FNTB: variants seen among roughly 807,000 people sequenced by gnomAD.
FNTB encodes the protein farnesyltransferase, CAAX box, subunit beta, also known as protein farnesyltransferase subunit beta.
In FNTB, 27 loss-of-function variants were observed where a neutral mutation model predicts 59.4. That is an observed-to-expected ratio of 0.45 (90% confidence interval 0.34 to 0.63). The LOEUF is 0.63. Ranked by LOEUF, FNTB falls within the 20% of genes least tolerant of loss-of-function variation. FNTB has a pLI of 0.02. For missense variants in FNTB, 449 were observed against 559.6 expected (o/e 0.80, Z 1.99); for synonymous variants, 230 against 220.7 (o/e 1.04, Z -0.37).
chr14:65,047,970 C>G lies in FNTB; in HGVS notation c.955+3527C>G, dbSNP rs905371659. On this transcript the variant is annotated intron_variant, in intron 9 of 11. Transcript: ENST00000246166. The surrounding 1 kb of genome is among the most constrained non-coding windows in gnomAD (Gnocchi z 5.2). ...CAGACAGAAGACAGAAGGAGGGAGA[C>G]TTTTTAGATTTTTTTTTTTTTTTTT... 2.2e-5 allele frequency among the ~76,000 whole-genome samples: 3 copies of G among 138,350 alleles called. No individual in the cohort carries two copies. The highest frequency in any genetic ancestry group is 8.0e-5 in the African/African-American group (3 of 37,344). 90.8% of individuals were successfully genotyped at this position (138,350 alleles called of 152,430 possible). A position where few individuals can be genotyped will look rare whatever the true frequency, so the allele number is the denominator to read the frequency against.
intron 4 of FNTB, among the ~76,000 whole-genome samples, chr14:65,018,218 C>G (rs939347221): frequency 6.6e-6 from 1 of 152,008 alleles, no homozygotes; most frequent in African/African-American, 2.4e-5. Flanking sequence ...GTGCACACTT[C>G]TAGTTCTAGC....
chr14:65,027,680 T>A lies in FNTB; in HGVS notation c.522-18T>A, dbSNP rs751218992. 17 of 1,614,196 alleles carry A rather than the reference T, an allele frequency of 1.1e-5. No individual in the cohort carries two copies. The Admixed American group carries it at 2.8e-4, about 27-fold the overall frequency. On this transcript the variant is annotated intron_variant, in intron 5 of 11. Coordinates refer to ENST00000246166, the MANE Select transcript of FNTB (RefSeq NM_002028.4). This position sits in a 1 kb window ranked among gnomAD's most constrained non-coding sequence, Gnocchi z 5.7. ...CGCACTGACTGTTGCCTCTCCTACC[T>A]CTTTCCCTGTTTCTCAGAGAGAAGC...
At chr14:65,020,917 A>G (rs1288941163) in intron 4 of FNTB, among the ~76,000 whole-genome samples, 1 of 151,542 alleles carries the variant, frequency 6.6e-6, no homozygotes, top group African/African-American at 2.4e-5. Flanking sequence ...TTTTGTAAAG[A>G]CAGGCTTTCA....
At chr14:64,989,754 G>A (rs973312836) in intron 1 of FNTB, among the ~76,000 whole-genome samples, 1 of 152,178 alleles carries the variant, frequency 6.6e-6, no homozygotes, top group South Asian at 2.1e-4. Context: ...TAGACACTCG[G>A]CATAAGTTGT....
In FNTB at chr14:65,014,720, G is replaced by A. The variant is rs1440711633; in HGVS notation, c.283-905G>A. On this transcript the variant is annotated intron_variant, in intron 3 of 11. Transcript: ENST00000246166. The surrounding 1 kb of genome is among the most constrained non-coding windows in gnomAD (Gnocchi z 5.1). ...TCCCAGCTACTTAGGAGGCTGAGGT[G>A]GGAGGATTGCTTGAGCCCGGGAGGT... Among the ~76,000 whole-genome samples, 2 of 152,086 alleles carry A rather than the reference G, an allele frequency of 1.3e-5. No individual in the cohort carries two copies. Among genetic ancestry groups the A allele is most frequent in the Non-Finnish European group, 2.9e-5 (2 of 68,002 alleles).
chr14:65,012,530 G>A lies in FNTB; in HGVS notation c.282+141G>A, dbSNP rs762283921. The A allele has an allele frequency of 2.4e-5, 28 of 1,183,278 alleles. No homozygotes were observed. Among genetic ancestry groups the A allele is most frequent in the South Asian group, 1.4e-4 (10 of 69,248 alleles). The allele number at this position is 1,183,278 out of a possible 1,614,324, so 73.3% of individuals were successfully genotyped here. On this transcript the variant is annotated intron_variant, in intron 3 of 11. Coordinates refer to ENST00000246166, the MANE Select transcript of FNTB (RefSeq NM_002028.4). The surrounding 1 kb of genome is among the most constrained non-coding windows in gnomAD (Gnocchi z 5.0). ...CTCTGTGGCTCTGGCAGGAGGTAGG[G>A]TGCTGTCACAGAGCTGGGACTCAGC...
chr14:65,037,755 TA>T (rs1480200170), intron 7 of FNTB, among the ~76,000 whole-genome samples: 2 of 128,490 alleles, frequency 1.6e-5, no homozygotes, highest in African/African-American at 6.3e-5. Context: ...TTTATTTATT[TA>T]TTTATTTATT....
At chr14:65,006,132 C>A in intron 2 of FNTB, 1 of 1,602,844 alleles carries the variant, frequency 6.2e-7, no homozygotes, top group Non-Finnish European at 8.5e-7. Flanking sequence ...TAAATAGGTC[C>A]AGCTTTGTTT....
At chr14:65,041,041 C>A in intron 8 of FNTB, 122 bp downstream of exon 8, 1 of 1,447,608 alleles carries the variant, frequency 6.9e-7, no homozygotes, top group East Asian at 2.4e-5. Flanking sequence ...AGCTCTGTTC[C>A]AACACAGAGG....
intron 9 of FNTB, among the ~76,000 whole-genome samples, chr14:65,045,967 C>A (rs2062467617): frequency 6.6e-6 from 1 of 152,140 alleles, no homozygotes; most frequent in South Asian, 2.1e-4. Context: ...AGGAATTCCC[C>A]AAGTCAAACA....
chr14:65,016,706 C>T (rs551172264), intron 4 of FNTB, among the ~76,000 whole-genome samples: 2 of 152,162 alleles, frequency 1.3e-5, no homozygotes, highest in African/African-American at 4.8e-5. Flanking sequence ...CCTTCCTGGG[C>T]AGGGTGTCTT....
chr14:65,051,936 A>G (rs1157511737), intron 9 of FNTB, among the ~76,000 whole-genome samples: 1 of 151,562 alleles, frequency 6.6e-6, no homozygotes, highest in African/African-American at 2.4e-5. Flanking sequence ...CTGGGACTAC[A>G]GGCGCCCACC....
rs572540942 is a variant in FNTB at position 65,061,542 on chromosome 14, C to G, written c.*230C>G. 5 of 597,364 alleles carry G rather than the reference C, an allele frequency of 8.4e-6. No individual in the cohort carries two copies. Among genetic ancestry groups the G allele is most frequent in the Non-Finnish European group, 1.1e-5 (4 of 368,900 alleles). 37.0% of individuals were successfully genotyped at this position (597,364 alleles called of 1,614,324 possible). On this transcript the variant is annotated 3_prime_UTR_variant, in exon 12 of 12. Transcript: ENST00000246166. The stretch of plus-strand genomic sequence containing the variant: ...GTCAAACCAAAAATCTATCAGCCCA[C>G]GTGGTGTGGTTGGTGAACAGTGCAT...
At chr14:65,036,515 G>A (rs1450873856) in intron 7 of FNTB, among the ~76,000 whole-genome samples, 2 of 151,926 alleles carry the variant, frequency 1.3e-5, no homozygotes, top group Non-Finnish European at 2.9e-5. Context: ...GGGATTATAG[G>A]CGTGAGCCAC....
intron 7 of FNTB, among the ~76,000 whole-genome samples, chr14:65,037,402 C>A (rs1389979041): frequency 2.8e-4 from 4 of 14,534 alleles, no homozygotes; most frequent in Non-Finnish European, 5.6e-4. Context: ...CACGCCGGGC[C>A]CTTTTTTTTT....
At chr14:65,033,975 A>G (rs1417976661) in intron 7 of FNTB, among the ~76,000 whole-genome samples, 1 of 152,240 alleles carries the variant, frequency 6.6e-6, no homozygotes, top group Non-Finnish European at 1.5e-5. Context: ...GTATTACCAT[A>G]TAAATATAAT....
In FNTB at chr14:65,047,978, A is replaced by AT. The variant is rs34879850; in HGVS notation, c.955+3562dup. On this transcript the variant is annotated intron_variant, in intron 9 of 11. Transcript: ENST00000246166. This position sits in a 1 kb window ranked among gnomAD's most constrained non-coding sequence, Gnocchi z 5.2. ...AGACAGAAGGAGGGAGACTTTTTAG[A>AT]TTTTTTTTTTTTTTTTTTTTTTTTT... 0.04 allele frequency among the ~76,000 whole-genome samples: 2,543 copies of AT among 64,136 alleles called. 124 individuals are homozygous for AT. The highest frequency in any genetic ancestry group is 0.078 in the South Asian group (124 of 1,594). The allele number at this position is 64,136 out of a possible 152,430, so 42.1% of individuals were successfully genotyped here.
At position 65,011,380 on chromosome 14, in the gene FNTB, A is replaced by G. The variant is rs1337950230; in HGVS notation, c.210-937A>G. 6.6e-6 allele frequency among the ~76,000 whole-genome samples: 1 copy of G among 151,312 alleles called. No individual in the cohort carries two copies. The highest frequency in any genetic ancestry group is 1.5e-5 in the Non-Finnish European group (1 of 67,890). ...AGAGGTGGAGGTTGCAGTAAGCTGA[A>G]ATCACACCACTGCACTCCAGCCTGG... On this transcript the variant is annotated intron_variant, in intron 2 of 11. Coordinates refer to ENST00000246166, the MANE Select transcript of FNTB (RefSeq NM_002028.4). The surrounding 1 kb of genome is among the most constrained non-coding windows in gnomAD (Gnocchi z 4.0).
chr14:65,012,086 T>G lies in FNTB; in HGVS notation c.210-231T>G. 6.0e-6 allele frequency: 3 copies of G among 498,066 alleles called. No individual in the cohort carries two copies. The highest frequency in any genetic ancestry group is 1.1e-5 in the Non-Finnish European group (3 of 274,618). 30.9% of individuals were successfully genotyped at this position (498,066 alleles called of 1,614,324 possible). ...CTGCCTTTAGGAGACAATCGCACTC[T>G]AAATGTCAGCTGGCATGGTTTTCAG... is the stretch of plus-strand genomic sequence containing the variant. On this transcript the variant is annotated intron_variant, in intron 2 of 11. Coordinates refer to ENST00000246166, the MANE Select transcript of FNTB (RefSeq NM_002028.4). This position sits in a 1 kb window ranked among gnomAD's most constrained non-coding sequence, Gnocchi z 5.0.
Sources: gnomAD v4.1 joint callset for allele counts (sites outside exome capture counted in the v4.1 genomes callset) on GRCh38, gnomAD v4.1.1 for gene constraint, Gnocchi (gnomAD v3.1) non-coding constraint, MANE v1.5 for transcripts, NCBI Gene and HGNC (gene_info 2026-07-23, HGNC 2026-07-21) for gene names.